The following PSMF1 variants were observed in gnomAD, a reference collection of about 807,000 sequenced individuals.
The protein encoded by PSMF1 is proteasome inhibitor subunit 1.
PSMF1 carries 30 observed loss-of-function variants against 29.3 expected under a neutral mutation model. The ratio of observed to expected loss-of-function variants is 1.02; its 90% CI spans 0.77 to 1.39. The LOEUF (loss-of-function observed/expected upper bound fraction) is 1.39, where lower values mean the gene tolerates loss of function less well. PSMF1 is among the 40% of genes most tolerant of loss of function. The pLI is 0.00. For missense variants in PSMF1, 344 were observed against 357.5 expected (o/e 0.96, Z 0.31); for synonymous variants, 134 against 139.7 (o/e 0.96, Z 0.29).
At chr20:1,138,108 AT>A (rs2086330920) in intron 4 of PSMF1, among the ~76,000 whole-genome samples, 1 of 152,252 alleles carries the variant, frequency 6.6e-6, no homozygotes, top group African/African-American at 2.4e-5. Context: ...CCTCCAAAAA[AT>A]AGAAGAGGAG....
chr20:1,113,304 T>A (rs1000041602), exon 1 of PSMF1: 1 of 152,236 alleles, frequency 6.6e-6, no homozygotes, highest in Non-Finnish European at 1.5e-5. Flanking sequence ...ACCTCTGGCA[T>A]AGGCTCTTGG....
At position 1,170,781 on chromosome 20, in the gene PSMF1, T is replaced by C. The variant is rs1217274374; in HGVS notation, c.*5701T>C. Among the ~76,000 whole-genome samples the C allele has an allele frequency of 6.6e-5, 10 of 152,004 alleles. No individual in the cohort carries two copies. The highest frequency in any genetic ancestry group is 1.2e-4 in the Non-Finnish European group (8 of 67,992). ...CTTGCTGCAATTGTTACTAAAGTCATATGGGTAGATAAGGGTGGGACTCAA... is the reference window on the plus strand; with the variant it reads ...CTTGCTGCAATTGTTACTAAAGTCACATGGGTAGATAAGGGTGGGACTCAA... On this transcript the variant is annotated 3_prime_UTR_variant, in exon 7 of 7. Transcript: ENST00000335877.
intron 4 of PSMF1, among the ~76,000 whole-genome samples, chr20:1,140,851 G>A (rs1210925691): frequency 1.3e-5 from 2 of 152,198 alleles, no homozygotes; most frequent in South Asian, 2.1e-4. Flanking sequence ...ACAAGAAAAG[G>A]TGTGCAACAA....
chr20:1,116,434 G>T (rs1195065096), upstream of PSMF1, among the ~76,000 whole-genome samples: 1 of 152,196 alleles, frequency 6.6e-6, no homozygotes, highest in Non-Finnish European at 1.5e-5. Context: ...TTCTCATCCA[G>T]AATCTCTGCA....
intron 3 of PSMF1, among the ~76,000 whole-genome samples, chr20:1,131,831 ACTT>A (rs1057199898): frequency 8.5e-5 from 13 of 152,246 alleles, no homozygotes; most frequent in East Asian, 5.8e-4. Flanking sequence ...TTGTGTGAGA[ACTT>A]CTCCTTCAGG....
chr20:1,127,107 C>G (rs2086167362), intron 2 of PSMF1, among the ~76,000 whole-genome samples: 1 of 152,168 alleles, frequency 6.6e-6, no homozygotes, highest in Non-Finnish European at 1.5e-5. Flanking sequence ...CTGCCCCTTG[C>G]TGGGTCTGCA....
chr20:1,127,605 G>T, intron 3 of PSMF1, 97 bp downstream of exon 3: 4 of 1,009,606 alleles, frequency 4.0e-6, no homozygotes, highest in Non-Finnish European at 6.2e-6. Flanking sequence ...ATTAAGGAAG[G>T]TGAATGGAAG....
chr20:1,118,937 A>T (rs1450891945), intron 1 of PSMF1, 35 bp downstream of exon 1: 22 of 1,609,590 alleles, frequency 1.4e-5, no homozygotes, highest in Non-Finnish European at 1.9e-5. Context: ...GGAGGAGGGA[A>T]CTGTCTTCTG....
Position 1,166,594 on chromosome 20 carries a change from C to T in PSMF1, c.*1514C>T, listed in dbSNP as rs61435577. Reference sequence around the variant, plus strand: ...GGGCCTGGGTGGGGAGGCTAGCATGCGTGGCTCCCTGGGTATTTCTGTCAG... The same window carrying T: ...GGGCCTGGGTGGGGAGGCTAGCATGTGTGGCTCCCTGGGTATTTCTGTCAG... On this transcript the variant is annotated 3_prime_UTR_variant, in exon 7 of 7. Transcript: ENST00000335877. 6.9e-3 allele frequency: 2,051 copies of T among 299,174 alleles called. 35 individuals carry two copies. The highest frequency in any genetic ancestry group is 0.04 in the African/African-American group (1,913 of 47,290). 18.5% of individuals were successfully genotyped at this position (299,174 alleles called of 1,614,324 possible).
rs534473887 is a variant in PSMF1 at position 1,168,803 on chromosome 20, T to C, written c.*3723T>C. Among the ~76,000 whole-genome samples, 1 of 152,332 alleles carries C rather than the reference T, an allele frequency of 6.6e-6. No homozygotes were observed. The highest frequency in any genetic ancestry group is 6.5e-5 in the Admixed American group (1 of 15,296). ...AGAATCTATGGAGCAGTTAGTATTC[T>C]TTGTCACCTAAATTTGTCTACTTCT... On this transcript the variant is annotated 3_prime_UTR_variant, in exon 7 of 7. Coordinates refer to ENST00000335877, the MANE Select transcript of PSMF1 (RefSeq NM_006814.5).
At chr20:1,145,471 G>T (rs149014882) in intron 4 of PSMF1, among the ~76,000 whole-genome samples, 1 of 152,238 alleles carries the variant, frequency 6.6e-6, no homozygotes, top group African/African-American at 2.4e-5. Flanking sequence ...TAAAGAATAA[G>T]GAGGAGATGT....
chr20:1,158,748 TAGC>T (rs1487093960), intron 4 of PSMF1, among the ~76,000 whole-genome samples: 1 of 152,182 alleles, frequency 6.6e-6, no homozygotes, highest in Admixed American at 6.5e-5. Flanking sequence ...CCATTTGAAG[TAGC>T]AGGGGTTTGA....
rs1023877824 is a variant in PSMF1 at position 1,166,031 on chromosome 20, G to A, written c.*951G>A. 2.8e-6 allele frequency: 4 copies of A among 1,441,406 alleles called. No individual in the cohort carries two copies. The Admixed American group carries it at 8.1e-5, about 29-fold the overall frequency. The allele number at this position is 1,441,406 out of a possible 1,614,324, so 89.3% of individuals were successfully genotyped here. A position where few individuals can be genotyped will look rare whatever the true frequency, so the allele number is the denominator to read the frequency against. On this transcript the variant is annotated 3_prime_UTR_variant, in exon 7 of 7. Transcript: ENST00000335877. ...AACTGGGGCAGAGGAAAAGAATGATGGTTCAAGGCCATACTTCCCTTGAAC... is the reference window on the plus strand; with the variant it reads ...AACTGGGGCAGAGGAAAAGAATGATAGTTCAAGGCCATACTTCCCTTGAAC...
In PSMF1 at chr20:1,163,424, T is replaced by G. The variant is rs903359326; in HGVS notation, c.605+241T>G. 6.6e-6 allele frequency among the ~76,000 whole-genome samples: 1 copy of G among 152,194 alleles called. No individual in the cohort carries two copies. Among genetic ancestry groups the G allele is most frequent in the Non-Finnish European group, 1.5e-5 (1 of 68,030 alleles). On this transcript the variant is annotated intron_variant, in intron 5 of 6. Coordinates refer to ENST00000335877, the MANE Select transcript of PSMF1 (RefSeq NM_006814.5). The surrounding 1 kb of genome is among the most constrained non-coding windows in gnomAD (Gnocchi z 6.1). Reference sequence around the variant, plus strand: ...AGCCTAGCAGGCAGCTCTTCTGCCATTTCCCGGTCCCCCTGCCCACCCTAG... The same window carrying G: ...AGCCTAGCAGGCAGCTCTTCTGCCAGTTCCCGGTCCCCCTGCCCACCCTAG...
intron 4 of PSMF1, among the ~76,000 whole-genome samples, chr20:1,137,032 T>C (rs773119436): frequency 5.3e-5 from 8 of 152,188 alleles, no homozygotes; most frequent in Non-Finnish European, 1.0e-4. Context: ...GGGATGCAGG[T>C]CATTCTTCAT....
At chr20:1,148,757 T>G (rs1051393898) in intron 4 of PSMF1, among the ~76,000 whole-genome samples, 4 of 149,032 alleles carry the variant, frequency 2.7e-5, no homozygotes, top group Non-Finnish European at 5.9e-5. Flanking sequence ...GTGTATTAGG[T>G]TTTTTTTTCT....
rs184063379 is a variant in PSMF1 at position 1,127,553 on chromosome 20, C to G, written c.365+45C>G. On this transcript the variant is annotated intron_variant, in intron 3 of 6. Transcript: ENST00000335877. The stretch of plus-strand genomic sequence containing the variant: ...CTTCCCTGGGAAAAAGAAGAGAGAA[C>G]TAATGGCAAGATATGAGGAATAGGG... 3.4e-3 allele frequency: 4,941 copies of G among 1,462,706 alleles called. 216 individuals are homozygous for G. The Admixed American group carries it at 0.078, about 23-fold the overall frequency. 90.6% of individuals were successfully genotyped at this position (1,462,706 alleles called of 1,614,324 possible).
rs2086790220 is a variant in PSMF1, at chr20:1,171,558, T to G, written c.*6478T>G. On this transcript the variant is annotated 3_prime_UTR_variant, in exon 7 of 7. Coordinates refer to ENST00000335877, the MANE Select transcript of PSMF1 (RefSeq NM_006814.5). Reference sequence around the variant, plus strand: ...GCGTTTCCAGTAAGCACTGTCCAAATCAGTCATGGAGGTCCCTGAGTGACA... The same window carrying G: ...GCGTTTCCAGTAAGCACTGTCCAAAGCAGTCATGGAGGTCCCTGAGTGACA... 6.6e-6 allele frequency among the ~76,000 whole-genome samples: 1 copy of G among 152,164 alleles called. No homozygotes were observed.
At position 1,166,040 on chromosome 20, in the gene PSMF1, C is replaced by T; in HGVS notation, c.*960C>T. On this transcript the variant is annotated 3_prime_UTR_variant, in exon 7 of 7. Transcript: ENST00000335877. ...AGAGGAAAAGAATGATGGTTCAAGGCCATACTTCCCTTGAACCTTGTGTGG... is the reference window on the plus strand; with the variant it reads ...AGAGGAAAAGAATGATGGTTCAAGGTCATACTTCCCTTGAACCTTGTGTGG... 7 of 1,462,658 alleles carry T rather than the reference C, an allele frequency of 4.8e-6. No homozygotes were observed. The South Asian group carries it at 9.8e-5, about 20-fold the overall frequency. 90.6% of individuals were successfully genotyped at this position (1,462,658 alleles called of 1,614,324 possible). A position where few individuals can be genotyped will look rare whatever the true frequency, so the allele number is the denominator to read the frequency against.
Sources: allele counts gnomAD v4.1 joint callset (sites outside exome capture counted in the v4.1 genomes callset), GRCh38; gene constraint gnomAD v4.1.1; non-coding constraint Gnocchi (gnomAD v3.1); transcripts MANE v1.5; gene names NCBI Gene and HGNC (gene_info 2026-07-23, HGNC 2026-07-21).